The following SLC11A2 variants were observed in gnomAD, a reference collection of about 807,000 sequenced individuals.
SLC11A2 encodes natural resistance-associated macrophage protein 2.
Under a neutral mutation model 68.0 loss-of-function variants are expected in SLC11A2, and 38 were observed. The observed-to-expected ratio is 0.56, with a 90% CI of 0.43 to 0.73. The LOEUF (loss-of-function observed/expected upper bound fraction) is 0.73, where lower values mean the gene tolerates loss of function less well. Ranked by LOEUF, SLC11A2 falls within the 30% of genes least tolerant of loss-of-function variation. The pLI is 0.00. For synonymous variants in SLC11A2, 242 were observed against 250.6 expected, an observed-to-expected ratio of 0.97 and a Z score of 0.32; for missense variants, 517 against 690.5, an observed-to-expected ratio of 0.75 and a Z score of 2.82.
the SLC11A2 span, among the ~76,000 whole-genome samples, chr12:50,955,184 T>C: frequency 1.3e-5 from 2 of 152,116 alleles, no homozygotes; most frequent in Non-Finnish European, 2.9e-5. Flanking sequence ...TCCCAGCTAC[T>C]CAGGAGGCTG....
chr12:50,998,273 C>T (rs1941909509), intron 8 of SLC11A2, among the ~76,000 whole-genome samples: 1 of 152,096 alleles, frequency 6.6e-6, no homozygotes, highest in Non-Finnish European at 1.5e-5. Context: ...GCACAAGAAC[C>T]ACTTGAACCT....
At chr12:50,981,507 G>A (rs143009031), downstream of SLC11A2, 238 of 462,502 alleles carry the variant, frequency 5.1e-4, 1 homozygote, top group East Asian at 1.9e-3. Context: ...GAGGCCAATC[G>A]TTTAACTCTG....
At chr12:51,005,711 G>T in intron 3 of SLC11A2, 1 of 1,305,988 alleles carries the variant, frequency 7.7e-7, no homozygotes, top group Non-Finnish European at 1.0e-6. Context: ...GTACCTCTGT[G>T]CCCAAACACT....
intron 4 of SLC11A2, 76 bp from the exon 5 acceptor site, chr12:51,004,983 C>T: frequency 6.5e-7 from 1 of 1,536,448 alleles, no homozygotes; most frequent in Non-Finnish European, 8.9e-7. Context: ...AGTTGTTTGG[C>T]AACATGAGTG....
In SLC11A2 at chr12:50,993,050, G is replaced by A. The variant is rs189005351; in HGVS notation, c.1078-121C>T. The A allele has an allele frequency of 1.2e-3, 1,390 of 1,199,554 alleles. 6 individuals carry two copies. The highest frequency in any genetic ancestry group is 9.3e-4 in the Non-Finnish European group (773 of 828,392). 74.3% of individuals were successfully genotyped at this position (1,199,554 alleles called of 1,614,324 possible). ...CTATGCACCACCAACACCAAGTGCT[G>A]TGCTGCGCACTGTGCCAGAAGCTAG... On this transcript the variant is annotated intron_variant, in intron 11 of 15. Transcript: ENST00000262052.
chr12:50,975,705 T>C (rs1939839088), downstream of SLC11A2, among the ~76,000 whole-genome samples: 1 of 152,108 alleles, frequency 6.6e-6, no homozygotes, highest in Non-Finnish European at 1.5e-5. Flanking sequence ...ATCCAGGAGC[T>C]GGTTTTTTGA....
chr12:51,011,124 A>AT (rs34248900), intron 1 of SLC11A2, among the ~76,000 whole-genome samples: 52,048 of 144,778 alleles, frequency 0.36, 9,418 homozygotes, highest in East Asian at 0.57. Flanking sequence ...AGCAAATACC[A>AT]TTTTTTTTTT....
intron 3 of SLC11A2, chr12:51,005,687 G>T: frequency 7.5e-7 from 1 of 1,327,718 alleles, no homozygotes; most frequent in Non-Finnish European, 9.9e-7. Flanking sequence ...TCTAAAACCA[G>T]AATAACAGTA....
At chr12:51,006,439 TC>T (rs1187186571) in intron 3 of SLC11A2, among the ~76,000 whole-genome samples, 5 of 152,108 alleles carry the variant, frequency 3.3e-5, no homozygotes, top group African/African-American at 1.2e-4. Context: ...CTGAAAGAAA[TC>T]AAAGTATTTT....
the SLC11A2 span, among the ~76,000 whole-genome samples, chr12:50,955,561 T>C: frequency 1.3e-5 from 2 of 152,198 alleles, no homozygotes; most frequent in African/African-American, 2.4e-5. Context: ...ATTAATTCCA[T>C]AAAAACTTCT....
downstream of SLC11A2, among the ~76,000 whole-genome samples, chr12:50,983,761 A>G (rs1940279401): frequency 6.6e-6 from 1 of 151,968 alleles, no homozygotes; most frequent in African/African-American, 2.4e-5. Flanking sequence ...TCATGAGGTC[A>G]GGGGTTTGAG....
chr12:50,955,635 T>A, the SLC11A2 span, among the ~76,000 whole-genome samples: 3 of 152,248 alleles, frequency 2.0e-5, no homozygotes, highest in Non-Finnish European at 4.4e-5. Flanking sequence ...CTAAGTGTCA[T>A]TATTCACATA....
chr12:50,999,851 C>T (rs224585), intron 6 of SLC11A2, among the ~76,000 whole-genome samples: 138,298 of 151,972 alleles, frequency 0.91, 63,210 homozygotes, highest in East Asian at 0.98. Context: ...CTACTAAAAA[C>T]ACAAAAATTA....
At chr12:50,991,109 A>C (rs1270039720) in intron 14 of SLC11A2, among the ~76,000 whole-genome samples, 161 bp from the exon 15 acceptor site, 1 of 152,192 alleles carries the variant, frequency 6.6e-6, no homozygotes, top group Admixed American at 6.5e-5. Flanking sequence ...AATCACCCAA[A>C]GTTAGATACT....
At chr12:51,014,701 AC>A (rs1208129503) in intron 1 of SLC11A2, among the ~76,000 whole-genome samples, 1 of 151,968 alleles carries the variant, frequency 6.6e-6, no homozygotes, top group African/African-American at 2.4e-5. Flanking sequence ...AAAAATACAA[AC>A]ATTAGCCAGG....
Position 50,986,671 on chromosome 12 carries a change from T to A in SLC11A2, c.*1654A>T, listed in dbSNP as rs1940594765. On this transcript the variant is annotated 3_prime_UTR_variant, in exon 16 of 16. Transcript: ENST00000262052. ...TTCACAGAGTGCCTTTATGACCAGT[T>A]TGGAGAATTACGATGGTAAGGGGAA... is the stretch of plus-strand genomic sequence containing the variant. 1 of 1,286,728 alleles carries A rather than the reference T, an allele frequency of 7.8e-7. No individual in the cohort carries two copies. Among genetic ancestry groups the A allele is most frequent in the Non-Finnish European group, 1.0e-6 (1 of 988,370 alleles). The allele number at this position is 1,286,728 out of a possible 1,614,324, so 79.7% of individuals were successfully genotyped here.
intron 1 of SLC11A2, among the ~76,000 whole-genome samples, chr12:51,021,174 C>T (rs1366148382): frequency 1.3e-5 from 2 of 152,146 alleles, no homozygotes; most frequent in African/African-American, 4.8e-5. Context: ...AAGTTAAATG[C>T]AAATACTACA....
chr12:50,968,160 C>T, the SLC11A2 span, among the ~76,000 whole-genome samples: 8 of 151,904 alleles, frequency 5.3e-5, no homozygotes, highest in African/African-American at 1.9e-4. Flanking sequence ...GGATTTATTA[C>T]AGAGATATGA....
At chr12:50,998,674 C>T (rs1309514087) in intron 8 of SLC11A2, among the ~76,000 whole-genome samples, 1 of 152,132 alleles carries the variant, frequency 6.6e-6, no homozygotes, top group Non-Finnish European at 1.5e-5. Context: ...GGTGCTAGTA[C>T]TGCAAATAAT....
Sources: allele counts gnomAD v4.1 joint callset (sites outside exome capture counted in the v4.1 genomes callset), GRCh38; gene constraint gnomAD v4.1.1; transcripts MANE v1.5; gene names NCBI Gene and HGNC (gene_info 2026-07-23, HGNC 2026-07-21).